TRAFD1: variants seen among roughly 807,000 people sequenced by gnomAD.
TRAFD1 encodes the protein TRAF-type zinc finger domain containing 1.
TRAFD1 carries 38 observed loss-of-function variants against 65.3 expected under a neutral mutation model. That is an observed-to-expected ratio of 0.58 (90% CI 0.45 to 0.76). The LOEUF (loss-of-function observed/expected upper bound fraction) is 0.76, where lower values mean the gene tolerates loss of function less well. Among genes scored for constraint, TRAFD1 ranks in the 30% least tolerant of loss-of-function variants. The probability of loss-of-function intolerance (pLI) is 0.00; values close to 1 mark genes in which losing one functional copy is unlikely to be tolerated. For missense variants in TRAFD1, 631 were observed against 712.6 expected, an observed-to-expected ratio of 0.89 and a Z score of 1.30; for synonymous variants, 223 against 257.2, an observed-to-expected ratio of 0.87 and a Z score of 1.27.
At chr12:112,146,225 C>A (rs1335351798) in intron 7 of TRAFD1, among the ~76,000 whole-genome samples, 63 of 66,650 alleles carry the variant, frequency 9.5e-4, no homozygotes, top group East Asian at 1.7e-3. Context: ...GAAATAACAG[C>A]AAAAAAAAAA....
At chr12:112,132,228 A>G (rs1323954039) in intron 2 of TRAFD1, among the ~76,000 whole-genome samples, 1 of 152,168 alleles carries the variant, frequency 6.6e-6, no homozygotes, top group Non-Finnish European at 1.5e-5. Flanking sequence ...TTGGTATACT[A>G]TATGTAACTT....
Position 112,149,733 on chromosome 12 carries a change from CT to C in TRAFD1, c.1159-17del. 6.2e-7 allele frequency: 1 copy of C among 1,613,776 alleles called. No individual in the cohort carries two copies. The highest frequency in any genetic ancestry group is 8.5e-7 in the Non-Finnish European group (1 of 1,179,794). ...ATGACTCAATTCAGAGGTACTAATT[CT>C]GGTTTTTCTTGTTTAGGACCAGTGT... On this transcript the variant is annotated splice_polypyrimidine_tract_variant and intron_variant, in intron 8 of 11. Coordinates refer to ENST00000412615, the MANE Select transcript of TRAFD1 (RefSeq NM_006700.3).
rs946470341 is a variant in TRAFD1, at chr12:112,151,687, C to T, written c.1280-114C>T. 4.7e-6 allele frequency: 5 copies of T among 1,056,248 alleles called. No homozygotes were observed. The African/African-American group carries it at 4.8e-5, about 10-fold the overall frequency. 65.4% of individuals were successfully genotyped at this position (1,056,248 alleles called of 1,614,324 possible). A position where few individuals can be genotyped will look rare whatever the true frequency, so the allele number is the denominator to read the frequency against. On this transcript the variant is annotated intron_variant, in intron 9 of 11. Coordinates refer to ENST00000412615, the MANE Select transcript of TRAFD1 (RefSeq NM_006700.3). ...TGCTGGGTTTACAGGCATGAGCCAC[C>T]ACGCCTGGCTGAGCAGTTGTCTTCT...
intron 6 of TRAFD1, among the ~76,000 whole-genome samples, chr12:112,145,288 A>G (rs766485983): frequency 4.6e-5 from 7 of 152,228 alleles, no homozygotes; most frequent in Non-Finnish European, 1.0e-4. Flanking sequence ...ATTATTGCCT[A>G]TGGTTATTAC....
At position 112,142,244 on chromosome 12, in the gene TRAFD1, T is replaced by C. The variant is rs779293514; in HGVS notation, c.799T>C (p.Cys267Arg). ...VAEQDFWRAVCEADQSHGGPR... is the reference protein window; with the variant it reads ...VAEQDFWRAVREADQSHGGPR... ...AGAGCAGGACTTCTGGAGGGCCGTA[T>C]GTGAGGCCGACCAGTCTCATGGCGG... Residue 267 changes from cysteine (C) to arginine (R), a missense_variant, in exon 6 of 12, where the codon TGT becomes CGT. By Grantham distance (180) the Cys-to-Arg change is radical. Transcript: ENST00000412615. 1 of 1,613,920 alleles carries C rather than the reference T, an allele frequency of 6.2e-7. No individual in the cohort carries two copies. Among genetic ancestry groups the C allele is most frequent in the Non-Finnish European group, 8.5e-7 (1 of 1,179,882 alleles).
intron 7 of TRAFD1, among the ~76,000 whole-genome samples, chr12:112,146,352 C>A (rs1199579862): frequency 6.6e-6 from 1 of 151,616 alleles, no homozygotes; most frequent in Non-Finnish European, 1.5e-5. Flanking sequence ...CATAGTGAGA[C>A]CCCAGCTCTA....
intron 1 of TRAFD1, chr12:112,126,196 C>T (rs2079536290): frequency 2.6e-5 from 4 of 152,238 alleles, no homozygotes; most frequent in Admixed American, 1.3e-4. Context: ...CTTACTTCTT[C>T]ACTCCCCATC....
chr12:112,134,305 C>T (rs1446105911), intron 2 of TRAFD1, among the ~76,000 whole-genome samples: 29 of 143,650 alleles, frequency 2.0e-4, no homozygotes, highest in Non-Finnish European at 3.6e-4. Flanking sequence ...CCACGGCGCC[C>T]GGCCAGTTTT....
chr12:112,141,582 A>G (rs985661652), intron 5 of TRAFD1: 5 of 231,212 alleles, frequency 2.2e-5, no homozygotes, highest in Non-Finnish European at 3.4e-5. Flanking sequence ...TCCAGTGAGC[A>G]TTTTCTTTGA....
chr12:112,133,864 C>G (rs969200866), intron 2 of TRAFD1, among the ~76,000 whole-genome samples: 4 of 151,412 alleles, frequency 2.6e-5, no homozygotes, highest in Non-Finnish European at 5.9e-5. Context: ...GCCACCACAC[C>G]TGGTTAATTT....
At chr12:112,149,599 T>G in intron 8 of TRAFD1, 152 bp from the exon 9 acceptor site, 2 of 961,094 alleles carry the variant, frequency 2.1e-6, no homozygotes, top group Non-Finnish European at 3.1e-6. Flanking sequence ...ATGCAACCAT[T>G]CCAGATGTGT....
At chr12:112,135,800 C>T (rs1360689825) in intron 4 of TRAFD1, among the ~76,000 whole-genome samples, 1 of 149,258 alleles carries the variant, frequency 6.7e-6, no homozygotes, top group Non-Finnish European at 1.5e-5. Context: ...CATTTGCTCG[C>T]TAGTTGAGAT....
chr12:112,148,344 G>A lies in TRAFD1; in HGVS notation c.1158+40G>A, dbSNP rs746240775. 4.2e-5 allele frequency: 66 copies of A among 1,556,828 alleles called. No homozygotes were observed. The East Asian group carries it at 7.8e-4, about 19-fold the overall frequency. ...AGTCCCTGTCCATGTGGCTCTGTGC[G>A]TGAACCTGAGGCTTCCAGAGCTGAG... is the stretch of plus-strand genomic sequence containing the variant. On this transcript the variant is annotated intron_variant, in intron 8 of 11. Transcript: ENST00000412615.
intron 5 of TRAFD1, chr12:112,141,879 C>A: frequency 1.8e-6 from 1 of 554,922 alleles, no homozygotes; most frequent in Non-Finnish European, 3.2e-6. Flanking sequence ...CTTAATAATA[C>A]AGTTAGAATA....
Position 112,150,576 on chromosome 12 carries a change from T to C in TRAFD1, c.1279+705T>C, listed in dbSNP as rs1187445127. Among the ~76,000 whole-genome samples, 4 of 151,952 alleles carry C rather than the reference T, an allele frequency of 2.6e-5. No individual in the cohort carries two copies. The East Asian group carries it at 7.7e-4, about 29-fold the overall frequency. ...AAACTTATTTATTTAATTTATTTTT[T>C]TTAGACAGGGTCTCTTTGTCATCCA... On this transcript the variant is annotated intron_variant, in intron 9 of 11. Coordinates refer to ENST00000412615, the MANE Select transcript of TRAFD1 (RefSeq NM_006700.3).
rs2029930075 is a variant in TRAFD1, at chr12:112,137,052, G to A, written c.237+1986G>A. ...AGCCTGGCCAATATGGTGAAACCCCGTCTCTACTAAAAATACAAAAATTAG... is the reference window on the plus strand; with the variant it reads ...AGCCTGGCCAATATGGTGAAACCCCATCTCTACTAAAAATACAAAAATTAG... On this transcript the variant is annotated intron_variant, in intron 4 of 11. Transcript: ENST00000412615. The surrounding 1 kb of genome is among the most constrained non-coding windows in gnomAD (Gnocchi z 4.2). Among the ~76,000 whole-genome samples the A allele has an allele frequency of 1.3e-5, 2 of 152,106 alleles. No homozygotes were observed. Among genetic ancestry groups the A allele is most frequent in the African/African-American group, 2.4e-5 (1 of 41,410 alleles).
At chr12:112,141,378 A>T in intron 5 of TRAFD1, 154 bp downstream of exon 5, 6 of 860,220 alleles carry the variant, frequency 7.0e-6, no homozygotes, top group Non-Finnish European at 1.0e-5. Context: ...TAAAATGGAA[A>T]TAACCTCCAT....
At chr12:112,136,315 C>T (rs1295544376) in intron 4 of TRAFD1, among the ~76,000 whole-genome samples, 5 of 150,592 alleles carry the variant, frequency 3.3e-5, no homozygotes, top group Non-Finnish European at 5.9e-5. Context: ...ATCTTGTTCC[C>T]GTCTTGCAGG....
intron 2 of TRAFD1, among the ~76,000 whole-genome samples, chr12:112,134,133 CCT>C (rs1164992653): frequency 6.6e-6 from 1 of 150,830 alleles, no homozygotes; most frequent in Non-Finnish European, 1.5e-5. Flanking sequence ...GCCTCAGCCT[CCT>C]GAGTAGCTGA....
Sources: gnomAD v4.1 joint callset for allele counts (sites outside exome capture counted in the v4.1 genomes callset) on GRCh38, gnomAD v4.1.1 for gene constraint, Gnocchi (gnomAD v3.1) non-coding constraint, MANE v1.5 for transcripts, NCBI Gene and HGNC (gene_info 2026-07-23, HGNC 2026-07-21) for gene names.